TMEM117: variants seen among roughly 807,000 people sequenced by gnomAD.
TMEM117 encodes transmembrane protein 117.
Under a neutral mutation model 52.4 loss-of-function variants are expected in TMEM117, and 27 were observed. The ratio of observed to expected loss-of-function variants is 0.51; its 90% CI spans 0.38 to 0.71. The LOEUF is 0.71. TMEM117 is among the 30% of genes least tolerant of loss of function. The probability of loss-of-function intolerance (pLI) is 0.00; values close to 1 mark genes in which losing one functional copy is unlikely to be tolerated. For synonymous variants in TMEM117, 215 were observed against 206.3 expected (o/e 1.04, Z -0.36); for missense variants, 556 against 630.5 (o/e 0.88, Z 1.26).
At chr12:44,197,121 A>G (rs1007382731) in intron 4 of TMEM117, among the ~76,000 whole-genome samples, 4 of 152,194 alleles carry the variant, frequency 2.6e-5, no homozygotes, top group African/African-American at 9.7e-5. Flanking sequence ...TAGGGATAGC[A>G]TGTAGTAGGC....
At chr12:44,012,651 AT>A in intron 3 of TMEM117, among the ~76,000 whole-genome samples, 1 of 152,236 alleles carries the variant, frequency 6.6e-6, no homozygotes, top group South Asian at 2.1e-4. Flanking sequence ...GATCTGTAGC[AT>A]TTAAAAAAAA....
chr12:44,169,175 C>A (rs780149846), intron 4 of TMEM117, among the ~76,000 whole-genome samples: 1 of 152,194 alleles, frequency 6.6e-6, no homozygotes, highest in Non-Finnish European at 1.5e-5. Flanking sequence ...TGTACATTAT[C>A]TCTTCAAGTC....
chr12:44,197,055 G>A (rs1204255890), intron 4 of TMEM117, among the ~76,000 whole-genome samples: 1 of 152,172 alleles, frequency 6.6e-6, no homozygotes, highest in Non-Finnish European at 1.5e-5. Context: ...CAAAATGGCA[G>A]GCTACCTAGT....
intron 3 of TMEM117, among the ~76,000 whole-genome samples, chr12:43,996,007 G>A (rs1010643163): frequency 6.6e-6 from 1 of 152,132 alleles, no homozygotes; most frequent in African/African-American, 2.4e-5. Context: ...TTATGTATGA[G>A]CCTGTCTTAA....
At chr12:44,279,467 T>C (rs777978457) in intron 5 of TMEM117, among the ~76,000 whole-genome samples, 1 of 151,970 alleles carries the variant, frequency 6.6e-6, no homozygotes, top group African/African-American at 2.4e-5. Flanking sequence ...AAGGAAAATA[T>C]CTGAAACTAT....
chr12:43,864,142 C>T (rs1438136407), intron 2 of TMEM117, among the ~76,000 whole-genome samples: 1 of 152,172 alleles, frequency 6.6e-6, no homozygotes, highest in Non-Finnish European at 1.5e-5. Flanking sequence ...GGGCAGGGCT[C>T]AGGACCTGCA....
the TMEM117 span, among the ~76,000 whole-genome samples, chr12:43,810,588 G>GT: frequency 2.0e-5 from 3 of 148,048 alleles, no homozygotes; most frequent in African/African-American, 8.0e-5. Flanking sequence ...AGCAGGGTTT[G>GT]TTTGTTTTGT....
At chr12:43,967,648 A>T (rs1169198966) in intron 3 of TMEM117, among the ~76,000 whole-genome samples, 1 of 152,124 alleles carries the variant, frequency 6.6e-6, no homozygotes. Flanking sequence ...AGATCAAGCC[A>T]TGAGATGATT....
chr12:44,183,062 A>G (rs553784048), intron 4 of TMEM117, among the ~76,000 whole-genome samples: 1 of 152,310 alleles, frequency 6.6e-6, no homozygotes, highest in Admixed American at 6.5e-5. Flanking sequence ...ACAGAGGCAT[A>G]TATGTAAAAT....
At chr12:44,005,967 G>A (rs1004804148) in intron 3 of TMEM117, among the ~76,000 whole-genome samples, 2 of 152,102 alleles carry the variant, frequency 1.3e-5, no homozygotes, top group Admixed American at 6.6e-5. Flanking sequence ...CCCCAATTAC[G>A]TGCAACTGTA....
intron 2 of TMEM117, among the ~76,000 whole-genome samples, chr12:43,855,470 T>TA (rs1281557121): frequency 1.3e-5 from 2 of 152,124 alleles, no homozygotes; most frequent in African/African-American, 2.4e-5. Flanking sequence ...ATGCTGTAGT[T>TA]AAAAAAATAG....
intron 3 of TMEM117, among the ~76,000 whole-genome samples, chr12:43,974,046 CAGACCAT>C (rs1945633445): frequency 6.6e-6 from 1 of 152,190 alleles, no homozygotes; most frequent in Admixed American, 6.5e-5. Context: ...CTCTAGTCAT[CAGACCAT>C]AGAAAGAGGG....
intron 4 of TMEM117, among the ~76,000 whole-genome samples, chr12:44,202,235 T>G (rs1377154701): frequency 6.6e-6 from 1 of 152,072 alleles, no homozygotes; most frequent in Non-Finnish European, 1.5e-5. Context: ...CTAAATGAAG[T>G]CTAATTATAA....
At chr12:44,188,496 T>C (rs1004904277) in intron 4 of TMEM117, among the ~76,000 whole-genome samples, 1 of 152,180 alleles carries the variant, frequency 6.6e-6, no homozygotes, top group African/African-American at 2.4e-5. Flanking sequence ...AGGAGGTTCT[T>C]GTCAGGTACC....
rs534517861 is a variant in TMEM117, at chr12:44,031,994, G to C, written c.410+87652G>C. Among the ~76,000 whole-genome samples the C allele has an allele frequency of 3.5e-4, 54 of 152,236 alleles. No homozygotes were observed. The South Asian group carries it at 5.4e-3, about 15-fold the overall frequency. On this transcript the variant is annotated intron_variant, in intron 3 of 7. Transcript: ENST00000266534. ...TTCCTGTACAGGGTTTCTGACTTGT[G>C]GTAAGTAAAGAATGCCACTTTCTAA...
chr12:44,144,898 C>T lies in TMEM117; in HGVS notation c.510+1274C>T, dbSNP rs1010264214. Among the ~76,000 whole-genome samples, 122 of 152,346 alleles carry T rather than the reference C, an allele frequency of 8.0e-4. 1 individual carries two copies. Among genetic ancestry groups the T allele is most frequent in the African/African-American group, 2.9e-3 (120 of 41,586 alleles). On this transcript the variant is annotated intron_variant, in intron 4 of 7. Coordinates refer to ENST00000266534, the MANE Select transcript of TMEM117 (RefSeq NM_032256.3). ...CTGGGCCGGGCGCGGTGGCTCACGC[C>T]TGTAATCCCAGCACTTTGGGAGGCC... is the stretch of plus-strand genomic sequence containing the variant.
At chr12:44,397,120 G>A in the TMEM117 span, among the ~76,000 whole-genome samples, 1 of 152,212 alleles carries the variant, frequency 6.6e-6, no homozygotes, top group East Asian at 1.9e-4. Flanking sequence ...GCCCACGGTA[G>A]GGAGTGAGAG....
At chr12:44,057,341 G>A (rs1020744629) in intron 3 of TMEM117, among the ~76,000 whole-genome samples, 6 of 152,152 alleles carry the variant, frequency 3.9e-5, no homozygotes, top group Non-Finnish European at 8.8e-5. Context: ...GGAACTTGTA[G>A]TGGGAGACAA....
intron 5 of TMEM117, among the ~76,000 whole-genome samples, chr12:44,267,956 A>T (rs1265946649): frequency 6.6e-6 from 1 of 152,202 alleles, no homozygotes; most frequent in African/African-American, 2.4e-5. Flanking sequence ...TGCTGCATTG[A>T]ACATGGGAGT....
Sources: gnomAD v4.1 joint callset for allele counts (sites outside exome capture counted in the v4.1 genomes callset) on GRCh38, gnomAD v4.1.1 for gene constraint, MANE v1.5 for transcripts, NCBI Gene and HGNC (gene_info 2026-07-23, HGNC 2026-07-21) for gene names.